CREB5: variants seen among roughly 807,000 people sequenced by gnomAD.
CREB5 encodes cAMP responsive element binding protein 5.
CREB5 carries 19 observed loss-of-function variants against 57.1 expected under a neutral mutation model. The observed-to-expected ratio is 0.33, with a 90% CI of 0.23 to 0.49. The LOEUF (loss-of-function observed/expected upper bound fraction) is 0.49, where lower values mean the gene tolerates loss of function less well. Ranked by LOEUF, CREB5 falls within the 20% of genes least tolerant of loss-of-function variation. The pLI is 0.99. For missense variants in CREB5, 579 were observed against 671.6 expected, an observed-to-expected ratio of 0.86 and a Z score of 1.52; for synonymous variants, 238 against 238.3, an observed-to-expected ratio of 1.00 and a Z score of 0.01.
chr7:28,689,415 C>T (rs1438735007), intron 5 of CREB5, among the ~76,000 whole-genome samples: 2 of 152,076 alleles, frequency 1.3e-5, no homozygotes, highest in Non-Finnish European at 2.9e-5. Flanking sequence ...TTGCAGTAAG[C>T]CGAGATCGAG....
intron 7 of CREB5, among the ~76,000 whole-genome samples, chr7:28,741,383 C>T (rs1804332739): frequency 1.3e-5 from 2 of 152,150 alleles, no homozygotes; most frequent in South Asian, 4.1e-4. Flanking sequence ...CCAGCCACCC[C>T]CACCCTGCCA....
At chr7:28,676,733 G>A (rs571309426) in intron 5 of CREB5, among the ~76,000 whole-genome samples, 2 of 152,294 alleles carry the variant, frequency 1.3e-5, no homozygotes, top group Admixed American at 1.3e-4. Context: ...TGCCAGAGTC[G>A]TGGTAGATGG....
At chr7:28,545,923 T>A (rs1473681782) in intron 4 of CREB5, among the ~76,000 whole-genome samples, 1 of 152,222 alleles carries the variant, frequency 6.6e-6, no homozygotes, top group Non-Finnish European at 1.5e-5. Context: ...CTTCATTGCT[T>A]CTAACTGCTC....
At chr7:28,339,354 C>T (rs1334415846) in intron 1 of CREB5, among the ~76,000 whole-genome samples, 1 of 152,170 alleles carries the variant, frequency 6.6e-6, no homozygotes. Context: ...GACACTCAAG[C>T]CCAGTAACAC....
intron 5 of CREB5, among the ~76,000 whole-genome samples, chr7:28,670,120 G>A (rs1214258513): frequency 6.6e-6 from 1 of 152,208 alleles, no homozygotes; most frequent in African/African-American, 2.4e-5. Flanking sequence ...CCCAGTGGAT[G>A]CCTGAACCTG....
chr7:28,374,031 T>C (rs567714682), intron 1 of CREB5, among the ~76,000 whole-genome samples: 2 of 152,156 alleles, frequency 1.3e-5, no homozygotes, highest in Non-Finnish European at 2.9e-5. Flanking sequence ...CTGGTCAGCC[T>C]TTTTTCTTAA....
chr7:28,547,634 T>A (rs1486777905), intron 4 of CREB5, among the ~76,000 whole-genome samples: 1 of 152,198 alleles, frequency 6.6e-6, no homozygotes, highest in Non-Finnish European at 1.5e-5. Flanking sequence ...TGTCTTGACT[T>A]GTGCTTGGCC....
intron 7 of CREB5, among the ~76,000 whole-genome samples, chr7:28,792,439 C>T (rs542376311): frequency 2.6e-5 from 4 of 151,988 alleles, no homozygotes; most frequent in African/African-American, 9.6e-5. Context: ...GAAATTTTAA[C>T]AATGTAGTTG....
intron 1 of CREB5, among the ~76,000 whole-genome samples, chr7:28,444,811 A>G (rs543322024): frequency 6.6e-5 from 10 of 152,336 alleles, no homozygotes; most frequent in Admixed American, 6.5e-4. Flanking sequence ...AGAATTCTAG[A>G]GGAAACTCTA....
intron 5 of CREB5, among the ~76,000 whole-genome samples, chr7:28,668,617 CAAAAT>C (rs1799918734): frequency 6.6e-6 from 1 of 152,058 alleles, no homozygotes; most frequent in African/African-American, 2.4e-5. Flanking sequence ...AAAACCAAAA[CAAAAT>C]GAGTTCACAA....
At chr7:28,316,711 A>C (rs1785391439) in intron 1 of CREB5, among the ~76,000 whole-genome samples, 1 of 152,082 alleles carries the variant, frequency 6.6e-6, no homozygotes, top group African/African-American at 2.4e-5. Context: ...GTTACATCCT[A>C]TTTTCTAGCT....
chr7:28,689,865 A>G (rs11980691), intron 5 of CREB5, among the ~76,000 whole-genome samples: 377 of 151,882 alleles, frequency 2.5e-3, no homozygotes, highest in African/African-American at 8.8e-3. Flanking sequence ...AGGATCTCTT[A>G]GAAAAGTTTA....
intron 5 of CREB5, among the ~76,000 whole-genome samples, chr7:28,594,484 GT>G (rs1347483831): frequency 2.6e-5 from 4 of 152,064 alleles, no homozygotes; most frequent in Admixed American, 2.0e-4. Context: ...GGGGTTATTG[GT>G]CTAGTTAGAG....
At chr7:28,582,412 A>G (rs1042426703) in intron 5 of CREB5, among the ~76,000 whole-genome samples, 1 of 152,206 alleles carries the variant, frequency 6.6e-6, no homozygotes. Flanking sequence ...TATTGTTTGT[A>G]TCAGTTCTTA....
rs1373224321 is a variant in CREB5 at position 28,306,562 on chromosome 7, T to TG, written c.-25+7121_-25+7122insG. On this transcript the variant is annotated intron_variant, in intron 1 of 9. Transcript: ENST00000396299. ...TACAGTTTTGTTTTTTTTGTTTTTT[T>TG]TTTTTTTTTTTTTTTTGAGACGGAG... Among the ~76,000 whole-genome samples the TG allele has an allele frequency of 2.9e-3, 390 of 132,754 alleles. 5 individuals are homozygous for TG. Among genetic ancestry groups the TG allele is most frequent in the African/African-American group, 6.6e-3 (232 of 35,286 alleles). The allele number at this position is 132,754 out of a possible 152,430, so 87.1% of individuals were successfully genotyped here.
chr7:28,600,785 C>T (rs1796887786), intron 5 of CREB5, among the ~76,000 whole-genome samples: 2 of 152,172 alleles, frequency 1.3e-5, no homozygotes. Flanking sequence ...GTAAGTTTAA[C>T]ATTTAAATAC....
At chr7:28,765,750 C>A (rs1805933740) in intron 7 of CREB5, among the ~76,000 whole-genome samples, 2 of 152,216 alleles carry the variant, frequency 1.3e-5, no homozygotes, top group Admixed American at 1.3e-4. Context: ...TCAAGACCAG[C>A]AGTATTTACG....
chr7:28,331,590 G>A (rs1169815761), intron 1 of CREB5, among the ~76,000 whole-genome samples: 1 of 152,006 alleles, frequency 6.6e-6, no homozygotes, highest in African/African-American at 2.4e-5. Context: ...CTTTGCACAT[G>A]CTTTTAGAAA....
intron 5 of CREB5, among the ~76,000 whole-genome samples, chr7:28,676,519 G>A (rs1480277747): frequency 1.3e-5 from 2 of 152,106 alleles, no homozygotes; most frequent in East Asian, 1.9e-4. Context: ...GTGTTTTTGG[G>A]TCTGTGGATA....
Sources: gnomAD v4.1 joint callset for allele counts (sites outside exome capture counted in the v4.1 genomes callset) on GRCh38, gnomAD v4.1.1 for gene constraint, MANE v1.5 for transcripts, NCBI Gene and HGNC (gene_info 2026-07-23, HGNC 2026-07-21) for gene names.